Variants in MRTFB observed in about 807,000 individuals in gnomAD.
The protein encoded by MRTFB is myocardin related transcription factor B, also known as myocardin-related transcription factor B.
A neutral mutation model predicts 104.2 loss-of-function variants in MRTFB; 29 were observed. That is an observed-to-expected ratio of 0.28 (90% CI 0.21 to 0.38). The LOEUF is 0.38. Among genes scored for constraint, MRTFB ranks in the 10% least tolerant of loss-of-function variants. The probability of loss-of-function intolerance (pLI) is 1.00; values close to 1 mark genes in which losing one functional copy is unlikely to be tolerated. For missense variants in MRTFB, 1,270 were observed against 1,341.6 expected (o/e 0.95, Z 0.83); for synonymous variants, 535 against 519.5 (o/e 1.03, Z -0.41).
At chr16:14,218,192 T>G (rs1209630403) in intron 7 of MRTFB, among the ~76,000 whole-genome samples, 2 of 152,136 alleles carry the variant, frequency 1.3e-5, no homozygotes, top group Admixed American at 1.3e-4. Flanking sequence ...CCCAAGTAGC[T>G]GGGACTACAG....
chr16:14,138,533 T>C (rs4486904), intron 2 of MRTFB, among the ~76,000 whole-genome samples: 8,849 of 152,236 alleles, frequency 0.058, 511 homozygotes, highest in East Asian at 0.3. Flanking sequence ...GAGTGGTGTT[T>C]TGTTAAGAGC....
chr16:13,998,890 AAAAAAAAAAAAAAAAAAAAAG>A, the MRTFB span, among the ~76,000 whole-genome samples: 1 of 125,404 alleles, frequency 8.0e-6, no homozygotes, highest in African/African-American at 3.4e-5. Flanking sequence ...AAAAAAAAAA[AAAAAAAAAAAAAAAAAAAAAG>A]GCCGGTCATG....
the MRTFB span, among the ~76,000 whole-genome samples, chr16:14,034,961 T>G: frequency 6.6e-6 from 1 of 152,192 alleles, no homozygotes; most frequent in Non-Finnish European, 1.5e-5. Flanking sequence ...CTTTCTCTGC[T>G]GAGCCAACCC....
At chr16:14,196,362 G>C (rs948244812) in intron 3 of MRTFB, among the ~76,000 whole-genome samples, 4 of 152,030 alleles carry the variant, frequency 2.6e-5, no homozygotes, top group African/African-American at 9.7e-5. Context: ...CTTTAATTTT[G>C]CTCTTTAATT....
At chr16:14,021,899 T>C in the MRTFB span, among the ~76,000 whole-genome samples, 1 of 152,186 alleles carries the variant, frequency 6.6e-6, no homozygotes, top group East Asian at 1.9e-4. Flanking sequence ...AAGTATCTTT[T>C]TCGTATAATG....
the MRTFB span, among the ~76,000 whole-genome samples, chr16:14,060,875 G>A: frequency 0.92 from 140,473 of 152,136 alleles, 65,050 homozygotes; most frequent in African/African-American, 0.98. Context: ...GGCCGGGCGC[G>A]GTGGCTCACG....
chr16:14,138,177 T>TA (rs2037818545), intron 2 of MRTFB, among the ~76,000 whole-genome samples: 1 of 152,196 alleles, frequency 6.6e-6, no homozygotes, highest in Admixed American at 6.5e-5. Flanking sequence ...AGTTGTCATG[T>TA]ATATTACATC....
intron 1 of MRTFB, among the ~76,000 whole-genome samples, chr16:14,075,148 C>G (rs1270439987): frequency 6.6e-6 from 1 of 152,214 alleles, no homozygotes; most frequent in African/African-American, 2.4e-5. Context: ...AACATACTTA[C>G]TCTGTGTGAA....
At chr16:14,256,455 T>G (rs963190372) in intron 15 of MRTFB, among the ~76,000 whole-genome samples, 1 of 152,206 alleles carries the variant, frequency 6.6e-6, no homozygotes, top group Non-Finnish European at 1.5e-5. Flanking sequence ...GAGGTGATGG[T>G]GTGTGACTCC....
the MRTFB span, among the ~76,000 whole-genome samples, chr16:14,043,395 A>C: frequency 6.6e-6 from 1 of 151,442 alleles, no homozygotes; most frequent in Non-Finnish European, 1.5e-5. Flanking sequence ...AACACTCCCC[A>C]TTCAGAGGCC....
At chr16:14,233,114 C>G (rs188514896) in intron 8 of MRTFB, among the ~76,000 whole-genome samples, 141 of 152,280 alleles carry the variant, frequency 9.3e-4, no homozygotes, top group African/African-American at 3.2e-3. Flanking sequence ...AACCTAGTAA[C>G]GCCTTCTGTA....
intron 2 of MRTFB, among the ~76,000 whole-genome samples, chr16:14,135,592 A>T (rs982087373): frequency 6.6e-6 from 1 of 152,236 alleles, no homozygotes; most frequent in Non-Finnish European, 1.5e-5. Flanking sequence ...CTCAGAGTGT[A>T]TCCCTGTCAT....
rs979622331 is a variant in MRTFB, at chr16:14,174,932, GT to G, written c.154+34176del. Among the ~76,000 whole-genome samples the G allele has an allele frequency of 6.7e-4, 102 of 152,138 alleles. 1 individual carries two copies. Among genetic ancestry groups the G allele is most frequent in the African/African-American group, 2.3e-3 (94 of 41,490 alleles). On this transcript the variant is annotated intron_variant, in intron 3 of 16. Coordinates refer to ENST00000571589, the MANE Select transcript of MRTFB (RefSeq NM_001308142.2). Reference sequence around the variant, plus strand: ...TGGATGAATAGGTTTTGTTGTTTTGGTTTTCTTTATTTCTTTTTTAAGATCC... The same window carrying G: ...TGGATGAATAGGTTTTGTTGTTTTGGTTTCTTTATTTCTTTTTTAAGATCC...
intron 2 of MRTFB, among the ~76,000 whole-genome samples, chr16:14,124,846 CAT>C (rs554609420): frequency 9.9e-5 from 15 of 152,228 alleles, no homozygotes; most frequent in South Asian, 2.1e-4. Context: ...TGTGTATTAA[CAT>C]GTGTTAACCC....
At chr16:14,030,366 G>A in the MRTFB span, among the ~76,000 whole-genome samples, 2 of 152,256 alleles carry the variant, frequency 1.3e-5, no homozygotes, top group Non-Finnish European at 1.5e-5. Context: ...GTCAGATATA[G>A]CTGGTTCAGG....
In MRTFB at chr16:14,150,748, C is replaced by T. The variant is rs985448125; in HGVS notation, c.154+9988C>T. ...TATTTATCAATACTGGAAGTTTACA[C>T]AGTCTGTTTATAAAATGAATCATCT... On this transcript the variant is annotated intron_variant, in intron 3 of 16. Coordinates refer to ENST00000571589, the MANE Select transcript of MRTFB (RefSeq NM_001308142.2). The T allele has an allele frequency of 2.0e-5, 3 of 152,176 alleles. No homozygotes were observed. The East Asian group carries it at 5.8e-4, about 29-fold the overall frequency. The allele number at this position is 152,176 out of a possible 1,614,324, so 9.4% of individuals were successfully genotyped here. A position where few individuals can be genotyped will look rare whatever the true frequency, so the allele number is the denominator to read the frequency against.
intron 15 of MRTFB, among the ~76,000 whole-genome samples, chr16:14,256,469 G>A (rs2043499092): frequency 6.6e-6 from 1 of 152,222 alleles, no homozygotes; most frequent in Non-Finnish European, 1.5e-5. Flanking sequence ...TGACTCCAGA[G>A]ACTAAGTCAT....
chr16:14,254,295 TGG>T (rs1163826331), intron 15 of MRTFB, among the ~76,000 whole-genome samples: 3 of 152,244 alleles, frequency 2.0e-5, no homozygotes, highest in African/African-American at 7.2e-5. Flanking sequence ...GCTATTAATG[TGG>T]GTCATAACAA....
chr16:14,058,385 A>G, the MRTFB span, among the ~76,000 whole-genome samples: 7 of 152,192 alleles, frequency 4.6e-5, no homozygotes, highest in African/African-American at 1.4e-4. Context: ...GAAGGCAACA[A>G]TAATAGAAAT....
Sources: gnomAD v4.1 joint callset for allele counts (sites outside exome capture counted in the v4.1 genomes callset) on GRCh38, gnomAD v4.1.1 for gene constraint, MANE v1.5 for transcripts, NCBI Gene and HGNC (gene_info 2026-07-23, HGNC 2026-07-21) for gene names.